Variants in AP1S3 observed in about 807,000 individuals in gnomAD.
The protein encoded by AP1S3 is AP-1 complex subunit sigma-3.
Under a neutral mutation model 20.9 loss-of-function variants are expected in AP1S3, and 10 were observed. The observed-to-expected ratio is 0.48, with a 90% CI of 0.29 to 0.81. The LOEUF (loss-of-function observed/expected upper bound fraction) is 0.81. AP1S3 is among the 30% of genes least tolerant of loss of function. The pLI is 0.08. For missense variants in AP1S3, 154 were observed against 183.8 expected (o/e 0.84, Z 0.94); for synonymous variants, 41 against 61.5 (o/e 0.67, Z 1.56).
Position 223,821,519 on chromosome 2 carries a change from C to A in AP1S3, c.3+15929G>T, listed in dbSNP as rs571815506. Among the ~76,000 whole-genome samples, 6 of 152,276 alleles carry A rather than the reference C, an allele frequency of 3.9e-5. No homozygotes were observed. In the South Asian group the frequency reaches 1.2e-3, roughly 32 times the overall value. ...CTGGTAGGTATTCAATAAATATATGCCTAAAGCAAAATAGTAGTGCTGTGC... is the reference window on the plus strand; with the variant it reads ...CTGGTAGGTATTCAATAAATATATGACTAAAGCAAAATAGTAGTGCTGTGC... On this transcript the variant is annotated intron_variant, in intron 1 of 4. Coordinates refer to ENST00000396654, the MANE Select transcript of AP1S3 (RefSeq NM_001039569.2).
chr2:223,775,010 C>CA (rs1418208798), intron 3 of AP1S3, among the ~76,000 whole-genome samples: 2 of 23,888 alleles, frequency 8.4e-5, no homozygotes, highest in African/African-American at 3.0e-4. Flanking sequence ...ACCAAGGAGG[C>CA]GCTTCAGAAA....
chr2:223,780,596 C>A (rs1690921859), intron 1 of AP1S3, among the ~76,000 whole-genome samples: 1 of 151,016 alleles, frequency 6.6e-6, no homozygotes. Flanking sequence ...CCAGCTAATA[C>A]TTTTTAAATT....
At chr2:223,814,030 C>G (rs1184344240) in intron 1 of AP1S3, among the ~76,000 whole-genome samples, 7 of 152,228 alleles carry the variant, frequency 4.6e-5, no homozygotes, top group South Asian at 2.1e-4. Flanking sequence ...ATGACACATT[C>G]ATTAACTTGT....
chr2:223,773,938 C>T (rs1490571343), intron 3 of AP1S3, among the ~76,000 whole-genome samples: 2 of 152,280 alleles, frequency 1.3e-5, no homozygotes, highest in Admixed American at 1.3e-4. Context: ...ACAAGTTAAG[C>T]GGTGGGGGGA....
At chr2:223,771,758 T>C (rs767600173) in intron 3 of AP1S3, among the ~76,000 whole-genome samples, 2 of 152,238 alleles carry the variant, frequency 1.3e-5, no homozygotes, top group African/African-American at 4.8e-5. Flanking sequence ...TCAAGTTACA[T>C]GCAGCAAATG....
intron 1 of AP1S3, among the ~76,000 whole-genome samples, chr2:223,825,710 C>A (rs754297535): frequency 3.9e-5 from 6 of 152,010 alleles, no homozygotes; most frequent in Non-Finnish European, 5.9e-5. Flanking sequence ...TTAATAATAA[C>A]CACTGCAGTT....
In AP1S3 at chr2:223,757,685, T is replaced by A. The variant is rs959558561; in HGVS notation, c.*1030A>T. ...CACAAATGTGATATACTTACAGTAA[T>A]AATGGTCAGCAGCAAATCTTTTCTT... On this transcript the variant is annotated 3_prime_UTR_variant, in exon 5 of 5. Coordinates refer to ENST00000396654, the MANE Select transcript of AP1S3 (RefSeq NM_001039569.2). 1.0e-6 allele frequency: 1 copy of A among 985,312 alleles called. No homozygotes were observed. The allele number at this position is 985,312 out of a possible 1,614,324, so 61.0% of individuals were successfully genotyped here.
chr2:223,805,644 C>G (rs1050713410), intron 1 of AP1S3, among the ~76,000 whole-genome samples: 2 of 152,078 alleles, frequency 1.3e-5, no homozygotes, highest in Non-Finnish European at 2.9e-5. Context: ...AGTGCTAAAG[C>G]CTTATTATAG....
intron 3 of AP1S3, among the ~76,000 whole-genome samples, chr2:223,773,939 G>A (rs932468545): frequency 5.3e-5 from 8 of 152,194 alleles, no homozygotes; most frequent in South Asian, 2.1e-4. Context: ...CAAGTTAAGC[G>A]GTGGGGGGAT....
At chr2:223,834,320 A>G (rs536306848) in intron 1 of AP1S3, among the ~76,000 whole-genome samples, 8 of 152,284 alleles carry the variant, frequency 5.3e-5, no homozygotes, top group Non-Finnish European at 1.2e-4. Flanking sequence ...ACTGGGCCCA[A>G]TTGTTCATGC....
At chr2:223,823,030 GCCACAGTGAAATA>G (rs1692028353) in intron 1 of AP1S3, among the ~76,000 whole-genome samples, 1 of 151,994 alleles carries the variant, frequency 6.6e-6, no homozygotes, top group South Asian at 2.1e-4. Flanking sequence ...CAAATTAAGA[GCCACAGTGAAATA>G]CCACCTCACA....
intron 3 of AP1S3, among the ~76,000 whole-genome samples, chr2:223,771,897 A>T (rs1197943776): frequency 6.6e-6 from 1 of 152,230 alleles, no homozygotes; most frequent in Non-Finnish European, 1.5e-5. Flanking sequence ...ACCTGAGGCC[A>T]GGAGTTTGAG....
At chr2:223,769,928 T>A in intron 3 of AP1S3, among the ~76,000 whole-genome samples, 1 of 151,830 alleles carries the variant, frequency 6.6e-6, no homozygotes, top group Admixed American at 6.6e-5. Context: ...GTATTTTTAG[T>A]AGAGACGGGG....
At chr2:223,761,513 C>T (rs1690352835) in intron 4 of AP1S3, among the ~76,000 whole-genome samples, 1 of 152,180 alleles carries the variant, frequency 6.6e-6, no homozygotes, top group Admixed American at 6.5e-5. Flanking sequence ...CAGCCTTGAC[C>T]TCTCGGGCTC....
Position 223,755,967 on chromosome 2 carries a change from A to G in AP1S3, c.*2748T>C. 1 of 985,474 alleles carries G rather than the reference A, an allele frequency of 1.0e-6. No homozygotes were observed. Among genetic ancestry groups the G allele is most frequent in the Non-Finnish European group, 1.2e-6 (1 of 829,936 alleles). The allele number at this position is 985,474 out of a possible 1,614,324, so 61.0% of individuals were successfully genotyped here. On this transcript the variant is annotated 3_prime_UTR_variant, in exon 5 of 5. Transcript: ENST00000396654. The stretch of plus-strand genomic sequence containing the variant: ...GTTCAAGAGATACCTTTATCCAAAT[A>G]TGGTGACAAATTTCAAAAGAACCGG...
intron 3 of AP1S3, chr2:223,773,208 G>A: frequency 9.0e-7 from 1 of 1,116,902 alleles, no homozygotes; most frequent in Non-Finnish European, 1.2e-6. Flanking sequence ...TCAAAATTCA[G>A]CCCCAATTCA....
chr2:223,803,569 T>C (rs1279341284), intron 1 of AP1S3, among the ~76,000 whole-genome samples: 2 of 152,070 alleles, frequency 1.3e-5, no homozygotes, highest in Non-Finnish European at 2.9e-5. Context: ...CACCTGAGTT[T>C]AGAAAATAAT....
intron 1 of AP1S3, among the ~76,000 whole-genome samples, chr2:223,779,322 T>C (rs1690867751): frequency 1.3e-5 from 2 of 152,182 alleles, no homozygotes; most frequent in South Asian, 2.1e-4. Context: ...GGCGGGATAA[T>C]CACTTGAGCC....
At position 223,833,008 on chromosome 2, in the gene AP1S3, G is replaced by A. The variant is rs190552420; in HGVS notation, c.3+4440C>T. Among the ~76,000 whole-genome samples the A allele has an allele frequency of 1.1e-4, 16 of 151,736 alleles. No individual in the cohort carries two copies. The Middle Eastern group carries it at 0.01, about 97-fold the overall frequency. On this transcript the variant is annotated intron_variant, in intron 1 of 4. Transcript: ENST00000396654. Reference sequence around the variant, plus strand: ...CATAAATAACATACATTATGAGAACGGAATTTGCAACACAAAAAGACGGTT... The same window carrying A: ...CATAAATAACATACATTATGAGAACAGAATTTGCAACACAAAAAGACGGTT...
Sources: allele counts gnomAD v4.1 joint callset (sites outside exome capture counted in the v4.1 genomes callset), GRCh38; gene constraint gnomAD v4.1.1; transcripts MANE v1.5; gene names NCBI Gene and HGNC (gene_info 2026-07-23, HGNC 2026-07-21).